Variants in KIF25 observed in about 807,000 individuals in gnomAD.
KIF25 encodes kinesin-like protein KIF25.
In KIF25, 19 loss-of-function variants were observed where a neutral mutation model predicts 32.9. The ratio of observed to expected loss-of-function variants is 0.58; its 90% CI spans 0.40 to 0.85. The LOEUF (loss-of-function observed/expected upper bound fraction) is 0.85. KIF25 is among the 40% of genes least tolerant of loss of function. The pLI, the probability that KIF25 is intolerant of heterozygous loss-of-function variation, is 0.00. For missense variants in KIF25, 485 were observed against 507.0 expected (o/e 0.96, Z 0.42); for synonymous variants, 225 against 213.7 (o/e 1.05, Z -0.46).
At chr6:168,017,341 A>G (rs996839494) in intron 4 of KIF25, among the ~76,000 whole-genome samples, 11 of 152,172 alleles carry the variant, frequency 7.2e-5, no homozygotes, top group African/African-American at 2.7e-4. Flanking sequence ...CACCCCTGCT[A>G]TTTCATGAAT....
intron 4 of KIF25, among the ~76,000 whole-genome samples, chr6:168,017,279 C>T (rs536746936): frequency 8.7e-4 from 132 of 152,292 alleles, no homozygotes; most frequent in Non-Finnish European, 1.6e-3. Flanking sequence ...TGGAAAAAAT[C>T]CAGTGCCTCT....
chr6:168,014,999 C>A (rs1251221436), intron 4 of KIF25, among the ~76,000 whole-genome samples: 1 of 152,196 alleles, frequency 6.6e-6, no homozygotes, highest in Non-Finnish European at 1.5e-5. Context: ...CAATGTAAAG[C>A]ATATTTTTCT....
intron 6 of KIF25, 39 bp from the exon 7 acceptor site, chr6:168,030,734 C>T: frequency 1.3e-6 from 2 of 1,559,494 alleles, no homozygotes; most frequent in East Asian, 2.3e-5. Flanking sequence ...CCGCTTTCTG[C>T]TGCTTCTATT....
chr6:168,042,096 G>C lies in KIF25; in HGVS notation c.774G>C (p.Ala258=). The C allele has an allele frequency of 6.4e-7, 1 of 1,551,574 alleles. No individual in the cohort carries two copies. The highest frequency in any genetic ancestry group is 1.2e-5 in the South Asian group (1 of 84,046). Residue 258 remains alanine (A), a synonymous_variant, in exon 11 of 13, where the codon GCG becomes GCC. Coordinates refer to ENST00000643607, the MANE Select transcript of KIF25 (RefSeq NM_030615.4). The part of the protein sequence containing the change: ...QLVPGNPAGH[A]EQVQARLQLV... ...TTCCTGGGAACCCCGCAGGGCATGC[G>C]GAGCAGGTGCAGGCTCGACTACAGC...
rs376763659 is a variant in KIF25, at chr6:168,033,948, C to A, written c.234C>A (p.Arg78=). The change falls in exon 8 of 13, where the codon CGC becomes CGA. Residue 78 remains arginine, a synonymous_variant. Transcript: ENST00000643607. ...GAAAGAGCTATACCATGCTGGGACGCCATTCGGACGACGGCCCTGTTCTGC... is the reference window on the plus strand; with the variant it reads ...GAAAGAGCTATACCATGCTGGGACGACATTCGGACGACGGCCCTGTTCTGC... ...GSGKSYTMLG[R]HSDDGPVLPL... is the part of the protein sequence containing the mutation. 1 of 1,614,032 alleles carries A rather than the reference C, an allele frequency of 6.2e-7. No individual in the cohort carries two copies. The highest frequency in any genetic ancestry group is 8.5e-7 in the Non-Finnish European group (1 of 1,180,036).
intron 12 of KIF25, 42 bp downstream of exon 12, chr6:168,042,758 T>TA: frequency 6.3e-7 from 1 of 1,580,988 alleles, no homozygotes; most frequent in Non-Finnish European, 8.6e-7. Context: ...GGGGACCACG[T>TA]ACCCCAGGAC....
intron 7 of KIF25, among the ~76,000 whole-genome samples, chr6:168,031,700 T>C (rs565355604): frequency 1.3e-5 from 2 of 152,322 alleles, no homozygotes; most frequent in South Asian, 4.1e-4. Flanking sequence ...GTAGGCATCT[T>C]TTAAGTAAGC....
At chr6:168,007,094 C>A (rs1305768838) in intron 4 of KIF25, among the ~76,000 whole-genome samples, 2 of 152,118 alleles carry the variant, frequency 1.3e-5, no homozygotes, top group Non-Finnish European at 2.9e-5. Flanking sequence ...GATTACCATC[C>A]ATCTTTGGAT....
chr6:168,028,299 C>G (rs994483293), intron 5 of KIF25, among the ~76,000 whole-genome samples: 1 of 152,142 alleles, frequency 6.6e-6, no homozygotes, highest in Admixed American at 6.5e-5. Flanking sequence ...ATCTGTCCAC[C>G]TTGGCCTCCC....
intron 6 of KIF25, 180 bp from the exon 7 acceptor site, chr6:168,030,586 ATCTTTAC>A (rs1374163067): frequency 8.7e-6 from 4 of 460,958 alleles, no homozygotes; most frequent in Non-Finnish European, 1.5e-5. Flanking sequence ...AGAAAGTACT[ATCTTTAC>A]TCTTTATTAA....
intron 9 of KIF25, among the ~76,000 whole-genome samples, 179 bp from the exon 10 acceptor site, chr6:168,039,886 A>G (rs1036050687): frequency 6.6e-6 from 1 of 152,206 alleles, no homozygotes; most frequent in African/African-American, 2.4e-5. Flanking sequence ...TAGGTTGGTT[A>G]GGTCTCAAAA....
intron 5 of KIF25, among the ~76,000 whole-genome samples, chr6:168,022,329 G>T (rs956048761): frequency 3.9e-5 from 6 of 152,122 alleles, no homozygotes; most frequent in African/African-American, 1.4e-4. Context: ...TTTCGTGCTT[G>T]TAAATTATTT....
intron 4 of KIF25, among the ~76,000 whole-genome samples, chr6:168,009,178 A>G (rs1340605602): frequency 6.6e-6 from 1 of 151,878 alleles, no homozygotes; most frequent in Non-Finnish European, 1.5e-5. Flanking sequence ...AAGCTGAAAG[A>G]TGTTAGGATG....
intron 8 of KIF25, among the ~76,000 whole-genome samples, chr6:168,037,124 C>T (rs1438514401): frequency 6.6e-6 from 1 of 152,216 alleles, no homozygotes; most frequent in Non-Finnish European, 1.5e-5. Context: ...CTTCATGTTT[C>T]ACTGTTGCAC....
chr6:168,001,227 C>T (rs975672371), intron 2 of KIF25, among the ~76,000 whole-genome samples: 20 of 152,314 alleles, frequency 1.3e-4, no homozygotes, highest in African/African-American at 4.6e-4. Flanking sequence ...TTCGAATGTT[C>T]GTGTTTTGTA....
Position 168,042,629 on chromosome 6 carries a change from G to A in KIF25, c.898G>A (p.Ala300Thr), listed in dbSNP as rs1173315504. 2 of 1,613,798 alleles carry A rather than the reference G, an allele frequency of 1.2e-6. No homozygotes were observed. The highest frequency in any genetic ancestry group is 2.2e-5 in the East Asian group (1 of 44,892). ...CATCAGCCGCAGCCTTGCGGCCCTG[G>A]CAGGCGTCCTGGGGGCTTTGTTGGA... Reference protein sequence around the residue: ...ACISRSLAALAGVLGALLEHR... With the variant: ...ACISRSLAALTGVLGALLEHR... Residue 300 changes from alanine to threonine, a missense_variant, in exon 12 of 13, where the codon GCA (alanine) becomes ACA (threonine). Transcript: ENST00000643607.
At chr6:168,025,803 T>C (rs1285528621) in intron 5 of KIF25, among the ~76,000 whole-genome samples, 1 of 152,212 alleles carries the variant, frequency 6.6e-6, no homozygotes, top group Non-Finnish European at 1.5e-5. Flanking sequence ...GTTTAAAGTA[T>C]GATCCTTTCC....
intron 8 of KIF25, among the ~76,000 whole-genome samples, chr6:168,034,979 T>C (rs995522112): frequency 6.6e-6 from 1 of 152,088 alleles, no homozygotes; most frequent in African/African-American, 2.4e-5. Flanking sequence ...ATGGTGCATG[T>C]CATTAAATAT....
intron 10 of KIF25, among the ~76,000 whole-genome samples, chr6:168,041,060 C>T (rs1313008918): frequency 3.3e-5 from 5 of 152,146 alleles, no homozygotes; most frequent in East Asian, 3.9e-4. Flanking sequence ...GATGCGGCTC[C>T]GGGGACCACA....
Sources: gnomAD v4.1 joint callset for allele counts (sites outside exome capture counted in the v4.1 genomes callset) on GRCh38, gnomAD v4.1.1 for gene constraint, MANE v1.5 for transcripts, NCBI Gene and HGNC (gene_info 2026-07-23, HGNC 2026-07-21) for gene names.